The following PRKN variants were observed in gnomAD, a reference collection of about 807,000 sequenced individuals.
PRKN encodes parkin RBR E3 ubiquitin protein ligase.
Under a neutral mutation model 59.5 loss-of-function variants are expected in PRKN, and 56 were observed. The ratio of observed to expected loss-of-function variants is 0.94; its 90% CI spans 0.76 to 1.18. The LOEUF is 1.18. Ranked by LOEUF, PRKN falls within the 50% of genes most tolerant of loss-of-function variation. The pLI is 0.00. For synonymous variants in PRKN, 250 were observed against 222.1 expected (o/e 1.13, Z -1.12); for missense variants, 657 against 596.4 (o/e 1.10, Z -1.06).
At chr6:162,157,368 C>T (rs1782557726) in intron 4 of PRKN, among the ~76,000 whole-genome samples, 1 of 150,560 alleles carries the variant, frequency 6.6e-6, no homozygotes, top group South Asian at 2.1e-4. Context: ...TCCTGATTAC[C>T]CCCACCGAGA....
chr6:162,724,281 A>T (rs1024788485), intron 1 of PRKN, among the ~76,000 whole-genome samples: 1 of 152,302 alleles, frequency 6.6e-6, no homozygotes. Flanking sequence ...CAAAGGCACA[A>T]TTTTTAACCG....
At chr6:162,594,854 C>G (rs1296377071) in intron 1 of PRKN, among the ~76,000 whole-genome samples, 1 of 152,184 alleles carries the variant, frequency 6.6e-6, no homozygotes, top group Non-Finnish European at 1.5e-5. Context: ...TTTCTTAGAG[C>G]TTATTTTCTC....
rs61153926 is a variant in PRKN, at chr6:162,359,077, A to ATATAT, written c.171+84232_171+84233insATATA. Among the ~76,000 whole-genome samples, 264 of 96,020 alleles carry ATATAT rather than the reference A, an allele frequency of 2.7e-3. 1 individual carries two copies. Among genetic ancestry groups the ATATAT allele is most frequent in the East Asian group, 8.0e-3 (31 of 3,860 alleles). The allele number at this position is 96,020 out of a possible 152,430, so 63.0% of individuals were successfully genotyped here. A position where few individuals can be genotyped will look rare whatever the true frequency, so the allele number is the denominator to read the frequency against. ...ACTGTGGCAAAAAAAAAAAAAAAAAAAAATATATATATATATATATGAAAT... is the reference window on the plus strand; with the variant it reads ...ACTGTGGCAAAAAAAAAAAAAAAAAATATATAAATATATATATATATATATGAAAT... On this transcript the variant is annotated intron_variant, in intron 2 of 11. Coordinates refer to ENST00000366898, the MANE Select transcript of PRKN (RefSeq NM_004562.3).
chr6:162,262,311 T>C (rs1473576290), intron 3 of PRKN: 3 of 649,222 alleles, frequency 4.6e-6, no homozygotes, highest in Admixed American at 4.4e-5. Flanking sequence ...TTAATCTCAA[T>C]ATGAAAACCT....
At chr6:161,981,226 T>TC (rs149133841) in intron 5 of PRKN, among the ~76,000 whole-genome samples, 11,605 of 152,204 alleles carry the variant, frequency 0.076, 513 homozygotes, top group Middle Eastern at 0.11. Flanking sequence ...CAACAGATAT[T>TC]CCCCAGTTAC....
intron 2 of PRKN, among the ~76,000 whole-genome samples, chr6:162,296,536 C>T (rs142279712): frequency 0.016 from 2,368 of 152,182 alleles, 29 homozygotes; most frequent in Non-Finnish European, 0.024. Context: ...TTTACAGAAG[C>T]AGTGGATGCC....
intron 4 of PRKN, among the ~76,000 whole-genome samples, chr6:162,145,458 T>C (rs148160396): frequency 2.6e-5 from 4 of 152,256 alleles, no homozygotes; most frequent in African/African-American, 7.2e-5. Context: ...TATTTACACA[T>C]TGGGGGGAAT....
chr6:162,642,728 A>G (rs1003435857), intron 1 of PRKN, among the ~76,000 whole-genome samples: 5 of 151,896 alleles, frequency 3.3e-5, no homozygotes, highest in African/African-American at 9.7e-5. Flanking sequence ...GAAAAGTTAT[A>G]TAACTTTTTT....
intron 7 of PRKN, among the ~76,000 whole-genome samples, chr6:161,637,220 C>T (rs2128157026): frequency 6.6e-6 from 1 of 152,278 alleles, no homozygotes; most frequent in Middle Eastern, 3.4e-3. Flanking sequence ...GGTCCCTTCA[C>T]CTTGGTGACA....
chr6:162,454,672 C>T (rs905665371), intron 1 of PRKN, among the ~76,000 whole-genome samples: 3 of 152,278 alleles, frequency 2.0e-5, no homozygotes, highest in South Asian at 2.1e-4. Flanking sequence ...CCTCACACAC[C>T]GTTCCTTCAA....
At chr6:162,298,743 C>T (rs1439822599) in intron 2 of PRKN, among the ~76,000 whole-genome samples, 1 of 151,750 alleles carries the variant, frequency 6.6e-6, no homozygotes, top group Non-Finnish European at 1.5e-5. Flanking sequence ...GGAAAAACTG[C>T]CGAGGTGCAA....
intron 2 of PRKN, among the ~76,000 whole-genome samples, chr6:162,344,462 G>A (rs1784313843): frequency 6.6e-6 from 1 of 151,936 alleles, no homozygotes; most frequent in African/African-American, 2.4e-5. Flanking sequence ...TATGATATTA[G>A]TTATTAGCTG....
intron 7 of PRKN, among the ~76,000 whole-genome samples, chr6:161,619,241 A>T (rs1426702444): frequency 4.1e-5 from 2 of 48,920 alleles, no homozygotes; most frequent in African/African-American, 1.8e-4. Flanking sequence ...TGTCTTCATT[A>T]AAAAAAAAAA....
intron 4 of PRKN, among the ~76,000 whole-genome samples, chr6:162,105,541 A>G (rs1780159809): frequency 6.6e-6 from 1 of 152,076 alleles, no homozygotes; most frequent in South Asian, 2.1e-4. Context: ...AGCTGGGACT[A>G]CAGGCGTGTG....
At chr6:162,073,094 A>G (rs1380876362) in intron 4 of PRKN, among the ~76,000 whole-genome samples, 1 of 152,196 alleles carries the variant, frequency 6.6e-6, no homozygotes, top group Non-Finnish European at 1.5e-5. Context: ...ATAACAAATG[A>G]GCTAATTAAT....
rs1437395772 is a variant in PRKN, at chr6:161,423,996, G to T, written c.1084-37119C>A. 6.6e-6 allele frequency among the ~76,000 whole-genome samples: 1 copy of T among 152,178 alleles called. No individual in the cohort carries two copies. The highest frequency in any genetic ancestry group is 2.1e-4 in the South Asian group (1 of 4,828). ...GCACAAGGCTGGTATTGAGACTGGA[G>T]TACGGCATGTAGTGTTGAAGATAAA... On this transcript the variant is annotated intron_variant, in intron 9 of 11. Coordinates refer to ENST00000366898, the MANE Select transcript of PRKN (RefSeq NM_004562.3). The surrounding 1 kb of genome is among the most constrained non-coding windows in gnomAD (Gnocchi z 5.9).
intron 1 of PRKN, among the ~76,000 whole-genome samples, chr6:162,646,362 C>A (rs930155461): frequency 6.6e-6 from 1 of 151,994 alleles, no homozygotes; most frequent in Admixed American, 6.5e-5. Flanking sequence ...GGCCTTGACA[C>A]CCTGGGCTCC....
At chr6:161,600,956 ACCCTTGGGAATCATT>A (rs1782084173) in intron 7 of PRKN, among the ~76,000 whole-genome samples, 1 of 152,194 alleles carries the variant, frequency 6.6e-6, no homozygotes, top group African/African-American at 2.4e-5. Flanking sequence ...CATTACAGTT[ACCCTTGGGAATCATT>A]CTTTCATCCA....
intron 7 of PRKN, among the ~76,000 whole-genome samples, chr6:161,606,458 C>A (rs769369875): frequency 1.8e-4 from 27 of 152,208 alleles, no homozygotes; most frequent in Non-Finnish European, 3.4e-4. Flanking sequence ...GTTCCAGTTC[C>A]ATGTGGCAGA....
Sources: allele counts gnomAD v4.1 joint callset (sites outside exome capture counted in the v4.1 genomes callset), GRCh38; gene constraint gnomAD v4.1.1; non-coding constraint Gnocchi (gnomAD v3.1); transcripts MANE v1.5; gene names NCBI Gene and HGNC (gene_info 2026-07-23, HGNC 2026-07-21).